Variants in ST7L observed in about 807,000 individuals in gnomAD.
The protein encoded by ST7L is suppression of tumorigenicity 7 like.
Under a neutral mutation model 72.5 loss-of-function variants are expected in ST7L, and 57 were observed. The observed-to-expected ratio is 0.79, with a 90% CI of 0.64 to 0.98. ST7L has a LOEUF of 0.98. Ranked by LOEUF, ST7L falls within the 50% of genes least tolerant of loss-of-function variation. ST7L has a pLI of 0.00. For synonymous variants in ST7L, 221 were observed against 240.9 expected, an observed-to-expected ratio of 0.92 and a Z score of 0.77; for missense variants, 576 against 672.2, an observed-to-expected ratio of 0.86 and a Z score of 1.58.
At chr1:112,594,650 A>G (rs2101978686) in intron 5 of ST7L, among the ~76,000 whole-genome samples, 1 of 152,346 alleles carries the variant, frequency 6.6e-6, no homozygotes, top group South Asian at 2.1e-4. Context: ...TTTCTATCTT[A>G]GAATCTGAAT....
At chr1:112,566,224 T>TGA (rs1660993814) in intron 11 of ST7L, among the ~76,000 whole-genome samples, 1 of 151,992 alleles carries the variant, frequency 6.6e-6, no homozygotes. Context: ...TGCGGCTTGA[T>TGA]GAGTTTTGAC....
At chr1:112,608,158 C>T (rs1045381265) in intron 3 of ST7L, among the ~76,000 whole-genome samples, 2 of 152,216 alleles carry the variant, frequency 1.3e-5, no homozygotes, top group South Asian at 2.1e-4. Context: ...GTAGCTGGAA[C>T]TACAGGTGCG....
At chr1:112,568,536 C>T (rs1013166398) in intron 11 of ST7L, among the ~76,000 whole-genome samples, 8 of 150,924 alleles carry the variant, frequency 5.3e-5, no homozygotes, top group Admixed American at 2.6e-4. Context: ...GGAGTTTCAC[C>T]GTGTTAGCCA....
At chr1:112,529,064 A>G (rs748079447) in intron 14 of ST7L, 14 of 152,222 alleles carry the variant, frequency 9.2e-5, no homozygotes, top group Non-Finnish European at 2.1e-4. Context: ...GATAAAAACC[A>G]TAAGGGCAAT....
rs148303991 is a variant in ST7L, at chr1:112,578,394, C to T, written c.1093G>A (p.Ala365Thr). Residue 365 changes from alanine (A) to threonine (T), a missense_variant, in exon 10 of 15, where the codon GCA becomes ACA. Around this residue, in one of 3 missense-constraint regions of ST7L, gnomAD observed 511 missense variants for 600.7 expected, o/e 0.85. Transcript: ENST00000358039. ...AACAGTGCTGCTGTGTAACAGATTG[C>T]TGCTGACTTTGGAAGGCTTATATCT... ...YDDISLPKSAAICYTAALLKT... is the reference protein window; with the variant it reads ...YDDISLPKSATICYTAALLKT... The T allele has an allele frequency of 3.4e-5, 55 of 1,613,998 alleles. No individual in the cohort carries two copies. The highest frequency in any genetic ancestry group is 4.3e-5 in the Non-Finnish European group (51 of 1,179,992).
chr1:112,524,502 C>G lies in ST7L; in HGVS notation c.*1511G>C, dbSNP rs1223813721. On this transcript the variant is annotated 3_prime_UTR_variant, in exon 15 of 15. Coordinates refer to ENST00000358039, the MANE Select transcript of ST7L (RefSeq NM_017744.5). ...GAGAGGTGCCAGACACAGAGTTCTCCGTAAGCAATCCTGCAGAGCCGCCCC... is the reference window on the plus strand; with the variant it reads ...GAGAGGTGCCAGACACAGAGTTCTCGGTAAGCAATCCTGCAGAGCCGCCCC... 6.5e-6 allele frequency: 1 copy of G among 152,734 alleles called. No homozygotes were observed. The highest frequency in any genetic ancestry group is 2.4e-5 in the African/African-American group (1 of 41,378). The allele number at this position is 152,734 out of a possible 1,614,324, so 9.5% of individuals were successfully genotyped here. A position where few individuals can be genotyped will look rare whatever the true frequency, so the allele number is the denominator to read the frequency against.
chr1:112,555,100 A>G (rs1211938953), intron 12 of ST7L, among the ~76,000 whole-genome samples: 1 of 152,220 alleles, frequency 6.6e-6, no homozygotes, highest in African/African-American at 2.4e-5. Context: ...ATGCCACTGA[A>G]CTATATACTT....
chr1:112,560,121 G>A (rs371641671), intron 11 of ST7L, among the ~76,000 whole-genome samples: 26 of 152,244 alleles, frequency 1.7e-4, no homozygotes, highest in East Asian at 5.8e-4. Context: ...CGGGCCAGGC[G>A]CAGTGGTTCA....
intron 3 of ST7L, among the ~76,000 whole-genome samples, chr1:112,606,616 C>T (rs746011800): frequency 2.6e-5 from 4 of 152,218 alleles, no homozygotes; most frequent in Non-Finnish European, 4.4e-5. Context: ...TGGCACCCCA[C>T]TTCTTCGTAA....
rs1364296492 is a variant in ST7L at position 112,555,938 on chromosome 1, A to G, written c.1326T>C (p.Ala442=). The change falls in exon 12 of 15, where the codon GCT becomes GCC. Residue 442 remains alanine, a synonymous_variant. Coordinates refer to ENST00000358039, the MANE Select transcript of ST7L (RefSeq NM_017744.5). The stretch of plus-strand genomic sequence containing the variant: ...GTTTCCAGTGCTGAAGATGAAAGAA[A>G]GCATAGGCAATTGCTTCACTATCAC... ...KRGDSEAIAY[A]FFHLQHWKRI... The G allele has an allele frequency of 6.2e-7, 1 of 1,612,778 alleles. No individual in the cohort carries two copies. Among genetic ancestry groups the G allele is most frequent in the Non-Finnish European group, 8.5e-7 (1 of 1,179,200 alleles).
chr1:112,533,474 G>A (rs904551522), intron 14 of ST7L, among the ~76,000 whole-genome samples: 3 of 151,612 alleles, frequency 2.0e-5, no homozygotes, highest in East Asian at 3.9e-4. Flanking sequence ...GCGCCACCAC[G>A]CCCAGCCAAT....
intron 13 of ST7L, among the ~76,000 whole-genome samples, chr1:112,545,240 C>A (rs1179949114): frequency 6.6e-6 from 1 of 151,778 alleles, no homozygotes. Context: ...CCCTCTCCTA[C>A]CTTCTGGAGT....
intron 5 of ST7L, among the ~76,000 whole-genome samples, chr1:112,594,639 CTT>C (rs915987129): frequency 5.1e-4 from 77 of 152,276 alleles, no homozygotes; most frequent in African/African-American, 1.8e-3. Context: ...ACACAGCTAT[CTT>C]TCTATCTTAG....
At chr1:112,578,265 T>A in intron 10 of ST7L, 80 bp downstream of exon 10, 19 of 1,305,728 alleles carry the variant, frequency 1.5e-5, no homozygotes, top group Non-Finnish European at 2.0e-5. Context: ...GAAAACAGCA[T>A]TGTTTAAAGT....
Position 112,555,921 on chromosome 1 carries a change from T to A in ST7L, c.1343A>T (p.His448Leu). 2 of 1,612,658 alleles carry A rather than the reference T, an allele frequency of 1.2e-6. No individual in the cohort carries two copies. Among genetic ancestry groups the A allele is most frequent in the Non-Finnish European group, 1.7e-6 (2 of 1,179,154 alleles). The change falls in exon 12 of 15, where the codon CAC becomes CTC. Residue 448 changes from histidine to leucine, a missense_variant. Physicochemically the swap from His to Leu is moderately conservative, Grantham distance 99. This residue lies in a region of ST7L where 511 missense variants were observed against 600.7 expected (regional missense o/e 0.85). Transcript: ENST00000358039. Reference sequence around the variant, plus strand: ...AAGAGCACCTTCTATTCGTTTCCAGTGCTGAAGATGAAAGAAAGCATAGGC... The same window carrying A: ...AAGAGCACCTTCTATTCGTTTCCAGAGCTGAAGATGAAAGAAAGCATAGGC... The part of the protein sequence containing the change: ...AIAYAFFHLQ[H>L]WKRIEGALNL...
At position 112,541,939 on chromosome 1, in the gene ST7L, G is replaced by T; in HGVS notation, c.1629+12C>A. 6.2e-7 allele frequency: 1 copy of T among 1,612,852 alleles called. No individual in the cohort carries two copies. Among genetic ancestry groups the T allele is most frequent in the Admixed American group, 1.7e-5 (1 of 59,730 alleles). On this transcript the variant is annotated intron_variant, in intron 14 of 14. Transcript: ENST00000358039. Reference sequence around the variant, plus strand: ...ACAAATAATCTACACAAGTCCTTGAGATCATACTTACAGCTTTAGCAAAAA... The same window carrying T: ...ACAAATAATCTACACAAGTCCTTGATATCATACTTACAGCTTTAGCAAAAA...
chr1:112,602,339 A>G (rs1667547828), intron 3 of ST7L, among the ~76,000 whole-genome samples: 1 of 152,212 alleles, frequency 6.6e-6, no homozygotes, highest in Admixed American at 6.5e-5. Context: ...ACTTGAACTC[A>G]GTTGCATGAC....
intron 1 of ST7L, chr1:112,618,119 G>T (rs1670222319): frequency 7.7e-7 from 1 of 1,293,090 alleles, no homozygotes; most frequent in East Asian, 5.6e-5. Flanking sequence ...TTGTTCTGAG[G>T]TTGCTGCTCA....
intron 11 of ST7L, chr1:112,571,270 C>T (rs770870630): frequency 2.2e-6 from 1 of 455,720 alleles, no homozygotes. Flanking sequence ...TATAGCATCA[C>T]TCACTTAGCT....
Sources: allele counts gnomAD v4.1 joint callset (sites outside exome capture counted in the v4.1 genomes callset), GRCh38; gene constraint gnomAD v4.1.1; regional missense constraint gnomAD v4.1.1; transcripts MANE v1.5; gene names NCBI Gene and HGNC (gene_info 2026-07-23, HGNC 2026-07-21).